The following HNRNPH1 variants were observed in gnomAD, a reference collection of about 807,000 sequenced individuals.
The protein encoded by HNRNPH1 is heterogeneous nuclear ribonucleoprotein H.
A neutral mutation model predicts 58.6 loss-of-function variants in HNRNPH1; 4 were observed. The observed-to-expected ratio is 0.07, with a 90% CI of 0.03 to 0.16. The LOEUF is 0.16. HNRNPH1 is among the 10% of genes least tolerant of loss of function. The pLI is 1.00. For missense variants in HNRNPH1, 271 were observed against 564.2 expected (o/e 0.48, Z 5.26); for synonymous variants, 192 against 189.2 (o/e 1.01, Z -0.12).
At position 179,618,336 on chromosome 5, in the gene HNRNPH1, T is replaced by TCA; in HGVS notation, c.537-15_537-14dup. The stretch of plus-strand genomic sequence containing the variant: ...GATTTCAATATACCTAAAGCATTGT[T>TCA]CATAAGGAAGGGGTAGGGAGGGGAG... On this transcript the variant is annotated splice_polypyrimidine_tract_variant and intron_variant, in intron 4 of 12. Transcript: ENST00000356731. The TCA allele has an allele frequency of 6.3e-7, 1 of 1,590,272 alleles. No homozygotes were observed. The highest frequency in any genetic ancestry group is 8.6e-7 in the Non-Finnish European group (1 of 1,166,054).
intron 2 of HNRNPH1, among the ~76,000 whole-genome samples, chr5:179,631,872 C>G (rs1027118990): frequency 6.6e-6 from 1 of 151,998 alleles, no homozygotes; most frequent in African/African-American, 2.4e-5. Context: ...GAGCTGAGAT[C>G]GCGCCCCTTA....
At chr5:179,619,474 C>G in intron 3 of HNRNPH1, 67 bp from the exon 5 acceptor site, 1 of 1,440,916 alleles carries the variant, frequency 6.9e-7, no homozygotes, top group African/African-American at 1.4e-5. Flanking sequence ...AGAAATGATT[C>G]TTCTTATAGC....
At chr5:179,619,455 C>T (rs757471994) in intron 3 of HNRNPH1, 48 bp from the exon 5 acceptor site, 39 of 1,542,612 alleles carry the variant, frequency 2.5e-5, no homozygotes, top group Admixed American at 1.5e-4. Flanking sequence ...ATATTAACAT[C>T]ACAAGCCCAG....
At chr5:179,621,303 T>C (rs758662774) in exon 2 of HNRNPH1, 11 of 1,613,964 alleles carry the variant, frequency 6.8e-6, no homozygotes, top group Non-Finnish European at 8.5e-7. Flanking sequence ...TGACTTCATC[T>C]TCTGATTCAA....
upstream of HNRNPH1, among the ~76,000 whole-genome samples, chr5:179,625,021 G>A (rs1018853952): frequency 6.6e-6 from 1 of 152,210 alleles, no homozygotes; most frequent in Non-Finnish European, 1.5e-5. Flanking sequence ...GAAGGCTTTG[G>A]CAGGTGATCA....
In HNRNPH1 at chr5:179,623,183, C is replaced by A; in HGVS notation, c.-50G>T. On this transcript the variant is annotated 5_prime_UTR_variant, in exon 1 of 13. Transcript: ENST00000356731. ...AAACAAACTGCAAAGCGGGGAGGACCAGAACTGAGAGCGCCAATTAAGCTG... is the reference window on the plus strand; with the variant it reads ...AAACAAACTGCAAAGCGGGGAGGACAAGAACTGAGAGCGCCAATTAAGCTG... 7.2e-7 allele frequency: 1 copy of A among 1,390,838 alleles called. No homozygotes were observed. Among genetic ancestry groups the A allele is most frequent in the Non-Finnish European group, 1.0e-6 (1 of 986,242 alleles). The allele number at this position is 1,390,838 out of a possible 1,614,324, so 86.2% of individuals were successfully genotyped here. A position where few individuals can be genotyped will look rare whatever the true frequency, so the allele number is the denominator to read the frequency against.
chr5:179,615,108 C>T, intron 12 of HNRNPH1, 149 bp from the exon 14 acceptor site: 2 of 613,720 alleles, frequency 3.3e-6, no homozygotes, highest in South Asian at 3.8e-5. Flanking sequence ...AGGGGAATCC[C>T]GACTCCAAAC....
chr5:179,625,959 A>T (rs868325606), upstream of HNRNPH1, among the ~76,000 whole-genome samples: 619 of 150,402 alleles, frequency 4.1e-3, 6 homozygotes, highest in African/African-American at 0.014. Context: ...TTATTTATTT[A>T]TTTATTTTTT....
At chr5:179,622,166 GTA>G (rs1286423986) in intron 1 of HNRNPH1, among the ~76,000 whole-genome samples, 2 of 152,070 alleles carry the variant, frequency 1.3e-5, no homozygotes, top group Admixed American at 6.6e-5. Context: ...GTCTTCAACT[GTA>G]TAGTGAGCCA....
At chr5:179,619,703 A>T (rs1771364050) in intron 3 of HNRNPH1, 2 of 205,306 alleles carry the variant, frequency 9.7e-6, no homozygotes, top group East Asian at 2.1e-4. Flanking sequence ...TAATGTTGAG[A>T]ATTATACAAT....
intron 4 of HNRNPH1, 156 bp downstream of exon 5, chr5:179,619,113 C>T (rs899068740): frequency 4.3e-5 from 27 of 623,506 alleles, no homozygotes; most frequent in Middle Eastern, 9.4e-4. Context: ...ATTTAGTTTG[C>T]GTGTAACGTG....
rs1772282419 is a variant in HNRNPH1, at chr5:179,621,486, T to C, written c.98-89A>G. ...TGAAATGTCTATTCCATGTCCCCACTACAAATTACATAACTTGTGAAGCCT... is the reference window on the plus strand; with the variant it reads ...TGAAATGTCTATTCCATGTCCCCACCACAAATTACATAACTTGTGAAGCCT... On this transcript the variant is annotated intron_variant, in intron 1 of 12. Coordinates refer to ENST00000356731, the Ensembl canonical transcript of HNRNPH1. 3 of 1,086,272 alleles carry C rather than the reference T, an allele frequency of 2.8e-6. No homozygotes were observed. In the African/African-American group the frequency reaches 4.8e-5, roughly 17 times the overall value. The allele number at this position is 1,086,272 out of a possible 1,614,324, so 67.3% of individuals were successfully genotyped here.
intron 2 of HNRNPH1, among the ~76,000 whole-genome samples, chr5:179,632,356 G>C (rs1313783726): frequency 1.3e-5 from 2 of 152,190 alleles, no homozygotes; most frequent in Non-Finnish European, 2.9e-5. Context: ...TAGAGCCCGG[G>C]TATGGGGTAG....
chr5:179,620,874 A>G lies in HNRNPH1; in HGVS notation c.397+18T>C. 1 of 1,612,438 alleles carries G rather than the reference A, an allele frequency of 6.2e-7. No individual in the cohort carries two copies. The highest frequency in any genetic ancestry group is 8.5e-7 in the Non-Finnish European group (1 of 1,178,918). ...GCTAGCCAAAACTCACTGCTCAGCAACAAACATGACTACATACCTGAGAAG... is the reference window on the plus strand; with the variant it reads ...GCTAGCCAAAACTCACTGCTCAGCAGCAAACATGACTACATACCTGAGAAG... On this transcript the variant is annotated intron_variant, in intron 3 of 12. Coordinates refer to ENST00000356731, the Ensembl canonical transcript of HNRNPH1.
At chr5:179,625,729 A>C (rs1435275458), upstream of HNRNPH1, among the ~76,000 whole-genome samples, 1 of 151,576 alleles carries the variant, frequency 6.6e-6, no homozygotes, top group East Asian at 1.9e-4. Flanking sequence ...ATTCTCTTAT[A>C]TATAAATTGT....
intron 2 of HNRNPH1, among the ~76,000 whole-genome samples, chr5:179,630,359 A>T (rs181498485): frequency 6.6e-6 from 1 of 150,796 alleles, no homozygotes; most frequent in African/African-American, 2.4e-5. Flanking sequence ...CAAAAAAATA[A>T]ATAAATAAAA....
At chr5:179,616,847 T>A in intron 10 of HNRNPH1, 22 bp downstream of exon 11, 1 of 1,603,956 alleles carries the variant, frequency 6.2e-7, no homozygotes, top group Non-Finnish European at 8.5e-7. Flanking sequence ...TTTTGGTTTT[T>A]AAAAAAACTA....
chr5:179,616,319 CTTACA>C (rs1769625639), intron 10 of HNRNPH1, 101 bp from the exon 12 acceptor site: 1 of 940,160 alleles, frequency 1.1e-6, no homozygotes, highest in Non-Finnish European at 1.7e-6. Context: ...CAGTCTTGAT[CTTACA>C]TTACTGTAAC....
Position 179,623,029 on chromosome 5 carries a change from T to C in HNRNPH1, c.97+8A>G, listed in dbSNP as rs1198036386. Reference sequence around the variant, plus strand: ...AACTCGAACTCCCGCGTCCTAGTTCTAACTCACCAGAAAAAAACCTCTGCA... The same window carrying C: ...AACTCGAACTCCCGCGTCCTAGTTCCAACTCACCAGAAAAAAACCTCTGCA... On this transcript the variant is annotated splice_region_variant and intron_variant, in intron 1 of 12. Transcript: ENST00000356731. 2.0e-6 allele frequency: 3 copies of C among 1,494,020 alleles called. No homozygotes were observed. Among genetic ancestry groups the C allele is most frequent in the African/African-American group, 1.4e-5 (1 of 69,946 alleles). The allele number at this position is 1,494,020 out of a possible 1,614,324, so 92.5% of individuals were successfully genotyped here. A position where few individuals can be genotyped will look rare whatever the true frequency, so the allele number is the denominator to read the frequency against.
Sources: allele counts gnomAD v4.1 joint callset (sites outside exome capture counted in the v4.1 genomes callset), GRCh38; gene constraint gnomAD v4.1.1; transcripts MANE v1.5; gene names NCBI Gene and HGNC (gene_info 2026-07-23, HGNC 2026-07-21).